The following GLI3 variants were observed in gnomAD, a reference collection of about 807,000 sequenced individuals.
GLI3 encodes transcription activator GLI3.
A neutral mutation model predicts 100.8 loss-of-function variants in GLI3; 20 were observed. The ratio of observed to expected loss-of-function variants is 0.20; its 90% CI spans 0.14 to 0.29. The LOEUF (loss-of-function observed/expected upper bound fraction) is 0.29. Ranked by LOEUF, GLI3 falls within the 10% of genes least tolerant of loss-of-function variation. GLI3 has a pLI of 1.00. For synonymous variants in GLI3, 938 were observed against 860.5 expected (o/e 1.09, Z -1.58); for missense variants, 2,040 against 2,128.5 (o/e 0.96, Z 0.82).
chr7:42,184,314 T>A (rs1369249681), intron 2 of GLI3, among the ~76,000 whole-genome samples: 1 of 152,206 alleles, frequency 6.6e-6, no homozygotes, highest in Admixed American at 6.5e-5. Flanking sequence ...TTCCCTGACC[T>A]GCAAGGCCCC....
At chr7:42,086,249 C>T (rs571654876) in intron 3 of GLI3, among the ~76,000 whole-genome samples, 1 of 152,116 alleles carries the variant, frequency 6.6e-6, no homozygotes, top group South Asian at 2.1e-4. Context: ...TATTCATACG[C>T]CCATTCTTAT....
chr7:42,139,904 ATGGAACAAGTCTTAGTAATCACCC>A, intron 3 of GLI3, among the ~76,000 whole-genome samples: 1 of 152,214 alleles, frequency 6.6e-6, no homozygotes, highest in Non-Finnish European at 1.5e-5. Context: ...ACAAAGGGCC[ATGGAACAAGTCTTAGTAATCACCC>A]CAGACTCTTG....
chr7:42,130,974 C>A (rs1015088488), intron 3 of GLI3, among the ~76,000 whole-genome samples: 1 of 152,092 alleles, frequency 6.6e-6, no homozygotes, highest in East Asian at 1.9e-4. Flanking sequence ...TGTAGTGATG[C>A]CTTAAAAGAT....
chr7:42,078,947 T>C (rs1250992038), intron 3 of GLI3, among the ~76,000 whole-genome samples: 1 of 152,118 alleles, frequency 6.6e-6, no homozygotes, highest in East Asian at 1.9e-4. Flanking sequence ...GCCAGGATGG[T>C]CTTGATCTCC....
At chr7:42,028,763 C>A (rs1323883295) in intron 7 of GLI3, among the ~76,000 whole-genome samples, 3 of 125,230 alleles carry the variant, frequency 2.4e-5, no homozygotes, top group African/African-American at 3.4e-5. Flanking sequence ...GACTCCGTCT[C>A]AAAAATAAAT....
chr7:42,011,319 C>A (rs555000771), intron 10 of GLI3, among the ~76,000 whole-genome samples: 1 of 152,186 alleles, frequency 6.6e-6, no homozygotes, highest in East Asian at 1.9e-4. Flanking sequence ...CTGAAAAAGG[C>A]AGAGCCTACA....
At chr7:42,131,165 G>A (rs936008029) in intron 3 of GLI3, among the ~76,000 whole-genome samples, 36 of 152,144 alleles carry the variant, frequency 2.4e-4, no homozygotes, top group African/African-American at 7.0e-4. Context: ...AGTTGAAGTC[G>A]TAAGACCTAG....
intron 3 of GLI3, among the ~76,000 whole-genome samples, chr7:42,141,990 G>T (rs779899136): frequency 1.3e-5 from 2 of 152,084 alleles, no homozygotes; most frequent in African/African-American, 2.4e-5. Flanking sequence ...AGGAGTTTTG[G>T]TGCCCACAGA....
chr7:42,209,723 A>G (rs955741298), intron 2 of GLI3, among the ~76,000 whole-genome samples: 1 of 152,070 alleles, frequency 6.6e-6, no homozygotes, highest in African/African-American at 2.4e-5. Flanking sequence ...TGTGCAACCA[A>G]CTACAAAATT....
chr7:42,153,475 C>A (rs976417967), intron 2 of GLI3, among the ~76,000 whole-genome samples: 1 of 147,752 alleles, frequency 6.8e-6, no homozygotes, highest in African/African-American at 2.5e-5. Flanking sequence ...CATTAAATTA[C>A]AAAACTGAAG....
chr7:42,103,706 G>A lies in GLI3; in HGVS notation c.368-26849C>T, dbSNP rs372557297. Among the ~76,000 whole-genome samples the A allele has an allele frequency of 3.3e-5, 5 of 151,418 alleles. No individual in the cohort carries two copies. In the East Asian group the frequency reaches 5.9e-4, roughly 18 times the overall value. On this transcript the variant is annotated intron_variant, in intron 3 of 14. Coordinates refer to ENST00000395925, the MANE Select transcript of GLI3 (RefSeq NM_000168.6). ...ATCTGAATCCTCATTTCTCAGCTGC[G>A]AACACTGAGGCATAAAGACACTAAA...
In GLI3 at chr7:41,964,751, C is replaced by T. The variant is rs771527522; in HGVS notation, c.4322G>A (p.Gly1441Asp). 3 of 1,613,940 alleles carry T rather than the reference C, an allele frequency of 1.9e-6. No individual in the cohort carries two copies. Residue 1441 changes from glycine to aspartate, a missense_variant, in exon 15 of 15, where the codon GGT (glycine) becomes GAT (aspartate). By Grantham distance (94) the Gly-to-Asp change is moderately conservative. This residue lies in a region of GLI3 where 1,041 missense variants were observed against 924.0 expected (regional missense o/e 1.13). Transcript: ENST00000395925. ...GCCCACGGTTTGGTCATAGAACTGA[C>T]CAGAGTAATTCTGCAGATTAGAGCA... ...PLCSNLQNYS[G>D]QFYDQTVGFS...
intron 13 of GLI3, among the ~76,000 whole-genome samples, chr7:41,970,372 T>C (rs1350204687): frequency 2.0e-5 from 3 of 152,166 alleles, no homozygotes; most frequent in African/African-American, 7.2e-5. Flanking sequence ...TGTGAGCATA[T>C]ACACACATAA....
At chr7:42,253,986 G>A (rs563227097) in intron 1 of GLI3, among the ~76,000 whole-genome samples, 9 of 152,274 alleles carry the variant, frequency 5.9e-5, no homozygotes, top group South Asian at 2.1e-4. Context: ...CTGGGAGGCC[G>A]AGGCAGGTGG....
chr7:42,009,685 G>A (rs979493542), intron 10 of GLI3, among the ~76,000 whole-genome samples: 3 of 152,108 alleles, frequency 2.0e-5, no homozygotes, highest in Non-Finnish European at 2.9e-5. Context: ...CCAGGAGAAC[G>A]GGTCTCATCG....
chr7:42,039,977 G>A, intron 7 of GLI3, 61 bp downstream of exon 7: 3 of 1,249,380 alleles, frequency 2.4e-6, no homozygotes, highest in African/African-American at 1.5e-5. Context: ...ATCACTACAG[G>A]TGCAAACAAG....
intron 12 of GLI3, among the ~76,000 whole-genome samples, chr7:41,973,417 C>G (rs1787419561): frequency 6.6e-6 from 1 of 152,166 alleles, no homozygotes; most frequent in Non-Finnish European, 1.5e-5. Context: ...ATGCTAATTT[C>G]ATTTTCTATG....
intron 3 of GLI3, among the ~76,000 whole-genome samples, chr7:42,128,319 C>T (rs1786186801): frequency 6.6e-6 from 1 of 151,694 alleles, no homozygotes; most frequent in African/African-American, 2.4e-5. Context: ...TGAATACTAC[C>T]AGTTGGATAT....
chr7:42,177,989 G>A (rs141788567), intron 2 of GLI3, among the ~76,000 whole-genome samples: 150 of 152,314 alleles, frequency 9.8e-4, no homozygotes, highest in Middle Eastern at 3.4e-3. Context: ...AAATGGCTTC[G>A]CCTTCATGGA....
Sources: allele counts gnomAD v4.1 joint callset (sites outside exome capture counted in the v4.1 genomes callset), GRCh38; gene constraint gnomAD v4.1.1; regional missense constraint gnomAD v4.1.1; transcripts MANE v1.5; gene names NCBI Gene and HGNC (gene_info 2026-07-23, HGNC 2026-07-21).